The following THEM4 variants were observed in gnomAD, a reference collection of about 807,000 sequenced individuals.
THEM4 encodes acyl-coenzyme A thioesterase THEM4.
Under a neutral mutation model 25.0 loss-of-function variants are expected in THEM4, and 22 were observed. That is an observed-to-expected ratio of 0.88 (90% CI 0.63 to 1.26). The LOEUF (loss-of-function observed/expected upper bound fraction) is 1.26, where lower values mean the gene tolerates loss of function less well. Among genes scored for constraint, THEM4 ranks in the 50% most tolerant of loss-of-function variants. THEM4 has a pLI of 0.00. For synonymous variants in THEM4, 113 were observed against 105.6 expected, an observed-to-expected ratio of 1.07 and a Z score of -0.43; for missense variants, 286 against 300.3, an observed-to-expected ratio of 0.95 and a Z score of 0.35.
chr1:151,874,248 G>A lies in THEM4; in HGVS notation c.*640C>T, dbSNP rs1229471819. The A allele has an allele frequency of 6.6e-6, 1 of 152,332 alleles. No homozygotes were observed. The highest frequency in any genetic ancestry group is 1.5e-5 in the Non-Finnish European group (1 of 68,162). 9.4% of individuals were successfully genotyped at this position (152,332 alleles called of 1,614,324 possible). A position where few individuals can be genotyped will look rare whatever the true frequency, so the allele number is the denominator to read the frequency against. On this transcript the variant is annotated 3_prime_UTR_variant, in exon 6 of 6. Transcript: ENST00000368814. ...CACATGCCTGTGTGTTTCCCACCATGTATTTATTCTTCATGCTTGGTTTTC... is the reference window on the plus strand; with the variant it reads ...CACATGCCTGTGTGTTTCCCACCATATATTTATTCTTCATGCTTGGTTTTC...
At chr1:151,909,289 G>T (rs2101735830) in intron 1 of THEM4, 71 bp downstream of exon 1, 1 of 1,301,772 alleles carries the variant, frequency 7.7e-7, no homozygotes, top group Non-Finnish European at 1.0e-6. Flanking sequence ...GATAACAATC[G>T]AAGGCTCTGT....
chr1:151,895,085 T>C lies in THEM4; in HGVS notation c.209A>G (p.Asp70Gly). Residue 70 changes from aspartate to glycine, a missense_variant, in exon 2 of 6, where the codon GAC becomes GGC. Transcript: ENST00000368814. ...LFDQFMKKCE[D>G]GSWKRLPSYK... is the part of the protein sequence containing the mutation. The stretch of plus-strand genomic sequence containing the variant: ...TGAAGGCAAACGTTTCCAGGAGCCG[T>C]CTTCACATTTCTTCATAAACTGGTC... 1 of 1,614,158 alleles carries C rather than the reference T, an allele frequency of 6.2e-7. No individual in the cohort carries two copies. The highest frequency in any genetic ancestry group is 1.1e-5 in the South Asian group (1 of 91,088).
At chr1:151,879,928 T>G (rs1453109344) in intron 4 of THEM4, among the ~76,000 whole-genome samples, 1 of 152,062 alleles carries the variant, frequency 6.6e-6, no homozygotes. Flanking sequence ...GGTGCTGAGA[T>G]TACAGGCTTG....
At chr1:151,890,290 A>G in intron 2 of THEM4, 1 of 420,924 alleles carries the variant, frequency 2.4e-6, no homozygotes, top group Non-Finnish European at 4.9e-6. Flanking sequence ...GTTTAGACAC[A>G]GTTTTTTTTC....
At chr1:151,895,693 A>AC (rs1445729339) in intron 1 of THEM4, among the ~76,000 whole-genome samples, 9 of 151,676 alleles carry the variant, frequency 5.9e-5, no homozygotes, top group Non-Finnish European at 8.8e-5. Context: ...AAAAAAAAAA[A>AC]AAACACTGGA....
rs182063502 is a variant in THEM4, at chr1:151,899,688, C to T, written c.100-4494G>A. Among the ~76,000 whole-genome samples the T allele has an allele frequency of 1.3e-3, 203 of 152,232 alleles. 1 individual carries two copies. The highest frequency in any genetic ancestry group is 4.6e-3 in the African/African-American group (190 of 41,544). ...ACTACCAAACCTAAGAATAATTGGT[C>T]TTCCTGAGGAAGAGGACAATTCTAA... On this transcript the variant is annotated intron_variant, in intron 1 of 5. Transcript: ENST00000368814.
At chr1:151,878,920 A>ACACACACACACACACACACACG (rs1339463536) in intron 4 of THEM4, among the ~76,000 whole-genome samples, 7 of 151,596 alleles carry the variant, frequency 4.6e-5, no homozygotes, top group Non-Finnish European at 1.0e-4. Context: ...ACACACACAC[A>ACACACACACACACACACACACG]CACACACACT....
chr1:151,887,528 A>G (rs1454183670), intron 4 of THEM4, among the ~76,000 whole-genome samples: 2 of 152,166 alleles, frequency 1.3e-5, no homozygotes, highest in African/African-American at 2.4e-5. Context: ...AGTCTTATAC[A>G]CTGAAAACTA....
Position 151,874,114 on chromosome 1 carries a change from T to C in THEM4, c.*774A>G, listed in dbSNP as rs1653615319. The C allele has an allele frequency of 6.6e-6, 1 of 152,258 alleles. No individual in the cohort carries two copies. The highest frequency in any genetic ancestry group is 1.5e-5 in the Non-Finnish European group (1 of 68,056). The allele number at this position is 152,258 out of a possible 1,614,324, so 9.4% of individuals were successfully genotyped here. ...TCAGACAACAGATTTGAGGTATTCA[T>C]TCCTATAGGATCTGGCTGTGCTTCC... On this transcript the variant is annotated 3_prime_UTR_variant, in exon 6 of 6. Transcript: ENST00000368814.
chr1:151,906,343 A>T (rs1303761890), intron 1 of THEM4, among the ~76,000 whole-genome samples: 1 of 152,224 alleles, frequency 6.6e-6, no homozygotes, highest in Non-Finnish European at 1.5e-5. Flanking sequence ...GCTGCGCTCG[A>T]TTTCTCACTG....
chr1:151,898,239 T>C (rs1373922801), intron 1 of THEM4, among the ~76,000 whole-genome samples: 1 of 151,912 alleles, frequency 6.6e-6, no homozygotes, highest in Non-Finnish European at 1.5e-5. Context: ...GACACGGGGA[T>C]GTTGGAAGGG....
chr1:151,908,233 T>C (rs1007788476), intron 1 of THEM4, among the ~76,000 whole-genome samples: 2 of 152,230 alleles, frequency 1.3e-5, no homozygotes, highest in Admixed American at 6.5e-5. Context: ...CTGTAAAGTT[T>C]TGTGCGAAAG....
Position 151,876,989 on chromosome 1 carries a change from C to T in THEM4, c.682+12G>A. The stretch of plus-strand genomic sequence containing the variant: ...ACTAAACCCCAAGAAAGAGATAAGA[C>T]CAGCTTCTTACTTGTCGCCTCTGAG... On this transcript the variant is annotated intron_variant, in intron 5 of 5. Transcript: ENST00000368814. 2 of 1,600,438 alleles carry T rather than the reference C, an allele frequency of 1.2e-6. No homozygotes were observed. Among genetic ancestry groups the T allele is most frequent in the Admixed American group, 1.8e-5 (1 of 57,030 alleles).
intron 5 of THEM4, 35 bp downstream of exon 5, chr1:151,876,966 T>C (rs1428968551): frequency 6.4e-7 from 1 of 1,571,530 alleles, no homozygotes; most frequent in South Asian, 1.2e-5. Context: ...CCAACCCAAC[T>C]AAACCCCAAG....
intron 4 of THEM4, among the ~76,000 whole-genome samples, chr1:151,881,916 ATTC>A (rs1027066163): frequency 6.6e-6 from 1 of 151,962 alleles, no homozygotes; most frequent in Non-Finnish European, 1.5e-5. Flanking sequence ...AATTCTCTTT[ATTC>A]TATTTTTCTA....
At chr1:151,882,154 G>A (rs1653837031) in intron 4 of THEM4, among the ~76,000 whole-genome samples, 1 of 151,792 alleles carries the variant, frequency 6.6e-6, no homozygotes, top group Admixed American at 6.6e-5. Flanking sequence ...GAGGCGGATG[G>A]ATCATGAGGC....
At chr1:151,897,415 C>T (rs375664426) in intron 1 of THEM4, among the ~76,000 whole-genome samples, 2 of 152,182 alleles carry the variant, frequency 1.3e-5, no homozygotes, top group African/African-American at 4.8e-5. Context: ...CCTGGCCTCC[C>T]AACCTATATC....
intron 4 of THEM4, among the ~76,000 whole-genome samples, chr1:151,879,547 G>GA (rs1243506842): frequency 6.6e-6 from 1 of 151,750 alleles, no homozygotes; most frequent in Non-Finnish European, 1.5e-5. Context: ...CTGGGAAAAA[G>GA]AAAGTGTGCT....
At chr1:151,895,585 G>A (rs1338605515) in intron 1 of THEM4, among the ~76,000 whole-genome samples, 2 of 151,466 alleles carry the variant, frequency 1.3e-5, no homozygotes, top group African/African-American at 4.9e-5. Flanking sequence ...GGATAAGGGA[G>A]AAGTACTCAT....
Sources: allele counts gnomAD v4.1 joint callset (sites outside exome capture counted in the v4.1 genomes callset), GRCh38; gene constraint gnomAD v4.1.1; transcripts MANE v1.5; gene names NCBI Gene and HGNC (gene_info 2026-07-23, HGNC 2026-07-21).